The following COL4A4 variants were observed in gnomAD, a reference collection of about 807,000 sequenced individuals.
The protein encoded by COL4A4 is collagen type IV alpha 4 chain.
Under a neutral mutation model 192.9 loss-of-function variants are expected in COL4A4, and 105 were observed. The ratio of observed to expected loss-of-function variants is 0.54; its 90% CI spans 0.46 to 0.64. The LOEUF (loss-of-function observed/expected upper bound fraction) is 0.64, where lower values mean the gene tolerates loss of function less well. COL4A4 is among the 30% of genes least tolerant of loss of function. COL4A4 has a pLI of 0.00. For missense variants in COL4A4, 1,967 were observed against 2,169.3 expected, an observed-to-expected ratio of 0.91 and a Z score of 1.85; for synonymous variants, 762 against 769.9, an observed-to-expected ratio of 0.99 and a Z score of 0.17.
At chr2:227,031,817 G>A (rs556751746) in intron 40 of COL4A4, 128 bp downstream of exon 40, 28 of 756,950 alleles carry the variant, frequency 3.7e-5, no homozygotes, top group East Asian at 2.4e-4. Context: ...CCCACTTATC[G>A]ACCTGCCAAG....
the COL4A4 span, among the ~76,000 whole-genome samples, chr2:226,967,839 A>G: frequency 5.3e-5 from 8 of 152,202 alleles, no homozygotes. Context: ...ATTTTCATTC[A>G]GTGCCAGGGG....
intron 3 of COL4A4, 43 bp downstream of exon 3, chr2:227,144,473 A>C: frequency 6.5e-7 from 1 of 1,545,802 alleles, no homozygotes. Flanking sequence ...CATTCTATAA[A>C]GTGAATTTTC....
intron 19 of COL4A4, among the ~76,000 whole-genome samples, chr2:227,097,382 GATAC>G (rs2060259294): frequency 6.6e-6 from 1 of 152,128 alleles, no homozygotes; most frequent in African/African-American, 2.4e-5. Flanking sequence ...TGTACATATG[GATAC>G]ATACATGTTT....
At chr2:227,063,996 G>C (rs1211393590) in intron 25 of COL4A4, among the ~76,000 whole-genome samples, 2 of 151,954 alleles carry the variant, frequency 1.3e-5, no homozygotes, top group Non-Finnish European at 2.9e-5. Flanking sequence ...TGTTTAACAA[G>C]GTACAAGGTT....
intron 2 of COL4A4, among the ~76,000 whole-genome samples, chr2:227,146,193 G>A (rs995015543): frequency 1.3e-5 from 2 of 152,136 alleles, no homozygotes; most frequent in African/African-American, 2.4e-5. Context: ...GGGCCAGCTC[G>A]GGTCAGGTCC....
At chr2:227,063,734 A>G (rs1977716171) in intron 25 of COL4A4, among the ~76,000 whole-genome samples, 1 of 151,988 alleles carries the variant, frequency 6.6e-6, no homozygotes, top group Non-Finnish European at 1.5e-5. Flanking sequence ...ATGGACAATG[A>G]TAGTTTAAAT....
At chr2:227,026,498 CAAA>C (rs1223060129) in intron 42 of COL4A4, among the ~76,000 whole-genome samples, 9 of 72,818 alleles carry the variant, frequency 1.2e-4, no homozygotes, top group African/African-American at 9.2e-5. Flanking sequence ...GACTCCGTCT[CAAA>C]AAAAAAAAAA....
the COL4A4 span, among the ~76,000 whole-genome samples, chr2:226,972,942 A>C: frequency 1.2e-3 from 175 of 151,892 alleles, 1 homozygote; most frequent in South Asian, 4.4e-3. Context: ...AAAAAAAAAA[A>C]AAACAAAAAA....
At chr2:227,132,708 G>A (rs373508532) in intron 4 of COL4A4, among the ~76,000 whole-genome samples, 5 of 152,060 alleles carry the variant, frequency 3.3e-5, no homozygotes, top group South Asian at 2.1e-4. Context: ...CACAGGAGGT[G>A]GAAGTTGCAG....
intron 22 of COL4A4, among the ~76,000 whole-genome samples, chr2:227,084,369 T>C (rs2059475252): frequency 6.6e-6 from 1 of 152,180 alleles, no homozygotes; most frequent in South Asian, 2.1e-4. Flanking sequence ...AAGACTTTGG[T>C]ACCTTGGAAG....
intron 20 of COL4A4, among the ~76,000 whole-genome samples, chr2:227,093,278 A>G (rs1486986650): frequency 6.6e-6 from 1 of 152,174 alleles, no homozygotes; most frequent in Non-Finnish European, 1.5e-5. Context: ...ATGCTAATAA[A>G]AAGCCACCAG....
intron 1 of COL4A4, among the ~76,000 whole-genome samples, chr2:227,150,530 A>G (rs1032107263): frequency 6.6e-6 from 1 of 152,138 alleles, no homozygotes; most frequent in Non-Finnish European, 1.5e-5. Flanking sequence ...TTTTTTAACT[A>G]TACACTTTTG....
intron 1 of COL4A4, 22 bp from the exon 2 acceptor site, chr2:227,147,606 C>T: frequency 7.6e-6 from 6 of 793,182 alleles, no homozygotes; most frequent in Non-Finnish European, 1.3e-5. Context: ...AAATATATCA[C>T]TTAAAACACA....
intron 20 of COL4A4, among the ~76,000 whole-genome samples, chr2:227,090,638 G>A (rs1032028749): frequency 1.3e-5 from 2 of 151,696 alleles, no homozygotes. Context: ...TGTAATCCCC[G>A]CTACTTGAGA....
At chr2:227,023,480 A>T (rs1662899062) in intron 43 of COL4A4, among the ~76,000 whole-genome samples, 1 of 152,124 alleles carries the variant, frequency 6.6e-6, no homozygotes, top group South Asian at 2.1e-4. Flanking sequence ...ACTATACTAA[A>T]GATGTGAGAT....
In COL4A4 at chr2:227,109,304, C is replaced by G; in HGVS notation, c.595-18G>C. 1.2e-6 allele frequency: 2 copies of G among 1,608,346 alleles called. No individual in the cohort carries two copies. The highest frequency in any genetic ancestry group is 1.7e-6 in the Non-Finnish European group (2 of 1,174,668). ...CAAGATCCCTAAACATGAGAAAAAT[C>G]AGTGCATCTGTTACCCAAAATTGTA... On this transcript the variant is annotated intron_variant, in intron 9 of 47. Transcript: ENST00000396625.
rs756683938 is a variant in COL4A4 at position 227,043,098 on chromosome 2, A to G, written c.3376T>C (p.Ser1126Pro). 1 of 1,613,506 alleles carries G rather than the reference A, an allele frequency of 6.2e-7. No homozygotes were observed. The highest frequency in any genetic ancestry group is 1.1e-5 in the South Asian group (1 of 91,046). ...GTACCTGGGCACCCTGGTGGTCCAGAGGAGCCAGGTGGCCCTGGCCTTCCA... is the reference window on the plus strand; with the variant it reads ...GTACCTGGGCACCCTGGTGGTCCAGGGGAGCCAGGTGGCCCTGGCCTTCCA... ...SPGRPGPPGS[S>P]GPPGCPGDHG... Residue 1126 changes from serine (S) to proline (P), a missense_variant, in exon 36 of 48, where the codon TCT becomes CCT. Physicochemically the swap from Ser to Pro is moderately conservative, Grantham distance 74. Transcript: ENST00000396625.
Position 227,007,227 on chromosome 2 carries a change from G to C in COL4A4, c.*98C>G. ...AAACAGAAGGAACCACTGAAAGGGA[G>C]TCCAAAATGAGCACCATGACATCTC... On this transcript the variant is annotated 3_prime_UTR_variant, in exon 48 of 48. Transcript: ENST00000396625. 6.5e-6 allele frequency: 10 copies of C among 1,536,248 alleles called. No individual in the cohort carries two copies. Among genetic ancestry groups the C allele is most frequent in the Non-Finnish European group, 9.0e-6 (10 of 1,110,050 alleles).
intron 41 of COL4A4, 99 bp downstream of exon 41, chr2:227,030,344 G>A (rs1968011840): frequency 2.2e-6 from 3 of 1,335,480 alleles, no homozygotes; most frequent in African/African-American, 2.9e-5. Context: ...TAGTCACTTT[G>A]TTTGCATAGG....
Sources: gnomAD v4.1 joint callset for allele counts (sites outside exome capture counted in the v4.1 genomes callset) on GRCh38, gnomAD v4.1.1 for gene constraint, MANE v1.5 for transcripts, NCBI Gene and HGNC (gene_info 2026-07-23, HGNC 2026-07-21) for gene names.